Variants in ADGRL2 observed in about 807,000 individuals in gnomAD.
ADGRL2 encodes calcium-independent alpha-latrotoxin receptor 2.
A neutral mutation model predicts 157.4 loss-of-function variants in ADGRL2; 44 were observed. The ratio of observed to expected loss-of-function variants is 0.28; its 90% CI spans 0.22 to 0.36. The LOEUF (loss-of-function observed/expected upper bound fraction) is 0.36. Among genes scored for constraint, ADGRL2 ranks in the 10% least tolerant of loss-of-function variants. The pLI, the probability that ADGRL2 is intolerant of heterozygous loss-of-function variation, is 1.00. For missense variants in ADGRL2, 1,510 were observed against 1,768.9 expected (o/e 0.85, Z 2.63); for synonymous variants, 585 against 624.7 (o/e 0.94, Z 0.95).
intron 1 of ADGRL2, among the ~76,000 whole-genome samples, chr1:81,376,014 G>A (rs975539808): frequency 3.9e-5 from 6 of 152,044 alleles, no homozygotes; most frequent in Non-Finnish European, 4.4e-5. Context: ...GCATCATTAC[G>A]AAGATAGCAA....
chr1:81,361,267 C>G (rs113548317), intron 1 of ADGRL2, among the ~76,000 whole-genome samples: 28 of 151,954 alleles, frequency 1.8e-4, no homozygotes, highest in African/African-American at 6.7e-4. Flanking sequence ...CTGCTGAGTG[C>G]AAATATTATA....
upstream of ADGRL2, among the ~76,000 whole-genome samples, chr1:81,795,922 G>T (rs918326017): frequency 2.6e-5 from 4 of 152,224 alleles, no homozygotes; most frequent in South Asian, 8.3e-4. Context: ...TTAATTCATC[G>T]TTGACAGTGG....
chr1:81,941,030 C>G (rs1647750387), intron 4 of ADGRL2, among the ~76,000 whole-genome samples: 1 of 150,106 alleles, frequency 6.7e-6, no homozygotes, highest in Non-Finnish European at 1.5e-5. Context: ...GGTATTTGCT[C>G]TGAATGCTCG....
intron 3 of ADGRL2, among the ~76,000 whole-genome samples, chr1:81,673,253 A>C (rs1056846873): frequency 3.3e-5 from 5 of 152,186 alleles, no homozygotes; most frequent in Admixed American, 6.5e-5. Context: ...AAGCAGAGTA[A>C]TTCTATTTGA....
At chr1:81,848,148 A>C (rs1431037586) in intron 2 of ADGRL2, among the ~76,000 whole-genome samples, 3 of 151,728 alleles carry the variant, frequency 2.0e-5, no homozygotes, top group Non-Finnish European at 4.4e-5. Context: ...TACTGATATG[A>C]TTTGTTTTAA....
Position 81,943,809 on chromosome 1 carries a change from A to C in ADGRL2, c.1210+40A>C, listed in dbSNP as rs780336858. The C allele has an allele frequency of 6.7e-7, 1 of 1,491,500 alleles. No individual in the cohort carries two copies. Among genetic ancestry groups the C allele is most frequent in the Admixed American group, 2.1e-5 (1 of 47,132 alleles). 92.4% of individuals were successfully genotyped at this position (1,491,500 alleles called of 1,614,324 possible). ...TTGCTAATGCTTATGTCATTTTGTG[A>C]AAAGCATTTTTCTTTTTAAAGACTT... On this transcript the variant is annotated intron_variant, in intron 6 of 23. Coordinates refer to ENST00000686636, the MANE Select transcript of ADGRL2 (RefSeq NM_001366006.2). The surrounding 1 kb of genome is among the most constrained non-coding windows in gnomAD (Gnocchi z 5.6).
At chr1:81,443,920 G>A (rs563540663) in intron 1 of ADGRL2, among the ~76,000 whole-genome samples, 26 of 152,212 alleles carry the variant, frequency 1.7e-4, no homozygotes, top group African/African-American at 6.0e-4. Context: ...TACTTATTTT[G>A]TTAGAAGAAA....
At chr1:81,554,616 A>C (rs1032723486) in intron 2 of ADGRL2, among the ~76,000 whole-genome samples, 1 of 152,168 alleles carries the variant, frequency 6.6e-6, no homozygotes, top group Non-Finnish European at 1.5e-5. Flanking sequence ...ACCGCTTTGC[A>C]AGAATGCCTA....
chr1:81,963,454 T>C (rs538360503), intron 11 of ADGRL2, among the ~76,000 whole-genome samples: 2 of 152,144 alleles, frequency 1.3e-5, no homozygotes, highest in African/African-American at 4.8e-5. Context: ...AGAGATCATT[T>C]TGACTTTAAA....
intron 1 of ADGRL2, among the ~76,000 whole-genome samples, chr1:81,344,100 C>T (rs1662287469): frequency 6.6e-6 from 1 of 152,112 alleles, no homozygotes; most frequent in Admixed American, 6.5e-5. Context: ...GACAGAGTCT[C>T]CCTCTGTTTC....
chr1:81,846,371 T>C (rs1458372442), intron 2 of ADGRL2, among the ~76,000 whole-genome samples: 1 of 80,164 alleles, frequency 1.2e-5, no homozygotes, highest in East Asian at 2.1e-4. Flanking sequence ...GTTTTTATGT[T>C]GTTAAACAGC....
intron 1 of ADGRL2, among the ~76,000 whole-genome samples, chr1:81,354,956 A>G (rs1196249340): frequency 2.6e-5 from 4 of 152,192 alleles, no homozygotes; most frequent in Non-Finnish European, 5.9e-5. Context: ...ATTTCAAAGG[A>G]TGTAAAAAAT....
chr1:81,854,293 C>A (rs1203046750), intron 2 of ADGRL2, among the ~76,000 whole-genome samples: 1 of 152,164 alleles, frequency 6.6e-6, no homozygotes, highest in Non-Finnish European at 1.5e-5. Flanking sequence ...TAGGATTAGG[C>A]AGTGTAGTCA....
At chr1:81,874,704 CTCTTT>C (rs1175343443) in intron 2 of ADGRL2, among the ~76,000 whole-genome samples, 4 of 151,396 alleles carry the variant, frequency 2.6e-5, no homozygotes, top group African/African-American at 4.9e-5. Context: ...CTCTTCTCTT[CTCTTT>C]TTCTTTTTTT....
chr1:81,792,332 G>A (rs561849832), intron 2 of ADGRL2, among the ~76,000 whole-genome samples: 4 of 152,212 alleles, frequency 2.6e-5, no homozygotes, highest in South Asian at 2.1e-4. Flanking sequence ...GGGTGATCAC[G>A]GAACACATCA....
At chr1:81,757,605 C>G (rs1448352339) in intron 1 of ADGRL2, among the ~76,000 whole-genome samples, 2 of 152,206 alleles carry the variant, frequency 1.3e-5, no homozygotes, top group Non-Finnish European at 2.9e-5. Flanking sequence ...GTCTATAAAT[C>G]TTCTTCCATC....
chr1:81,970,217 T>C (rs566535179), intron 15 of ADGRL2, 97 bp from the exon 16 acceptor site: 1 of 828,164 alleles, frequency 1.2e-6, no homozygotes, highest in Non-Finnish European at 2.1e-6. Context: ...ATTTTTGAAA[T>C]AATAGTGATT....
At chr1:81,408,607 C>T (rs1019191633) in intron 1 of ADGRL2, among the ~76,000 whole-genome samples, 3 of 152,174 alleles carry the variant, frequency 2.0e-5, no homozygotes, top group Admixed American at 1.3e-4. Context: ...ATGTCAGCTC[C>T]ATAGATTTGC....
rs1197653885 is a variant in ADGRL2, at chr1:81,802,626, GC to G, written c.-101+1560del. Reference sequence around the variant, plus strand: ...GGTTCCGCCCGTCCTTTCACTGGGGGCCTGGGGAGGAGGAGTGTGAAGCGCG... The same window carrying G: ...GGTTCCGCCCGTCCTTTCACTGGGGGCTGGGGAGGAGGAGTGTGAAGCGCG... On this transcript the variant is annotated intron_variant, in intron 1 of 23. Coordinates refer to ENST00000686636, the MANE Select transcript of ADGRL2 (RefSeq NM_001366006.2). Among the ~76,000 whole-genome samples, 4 of 152,238 alleles carry G rather than the reference GC, an allele frequency of 2.6e-5. No individual in the cohort carries two copies. The East Asian group carries it at 7.8e-4, about 30-fold the overall frequency.
Sources: allele counts gnomAD v4.1 joint callset (sites outside exome capture counted in the v4.1 genomes callset), GRCh38; gene constraint gnomAD v4.1.1; non-coding constraint Gnocchi (gnomAD v3.1); transcripts MANE v1.5; gene names NCBI Gene and HGNC (gene_info 2026-07-23, HGNC 2026-07-21).